RASSF4: variants seen among roughly 807,000 people sequenced by gnomAD.
RASSF4 encodes the protein Ras association domain family member 4.
RASSF4 carries 38 observed loss-of-function variants against 41.1 expected under a neutral mutation model. The observed-to-expected ratio is 0.92, with a 90% CI of 0.71 to 1.21. The LOEUF is 1.21. Among genes scored for constraint, RASSF4 ranks in the 50% most tolerant of loss-of-function variants. The pLI, the probability that RASSF4 is intolerant of heterozygous loss-of-function variation, is 0.00. For missense variants in RASSF4, 414 were observed against 419.4 expected (o/e 0.99, Z 0.11); for synonymous variants, 179 against 163.4 (o/e 1.10, Z -0.73).
intron 3 of RASSF4, chr10:44,978,025 C>A (rs1484093087): frequency 6.2e-7 from 1 of 1,607,126 alleles, no homozygotes; most frequent in African/African-American, 1.3e-5. Context: ...GAAGCCGGGA[C>A]CTCATCACTC....
chr10:44,991,092 G>C (rs533789175), intron 9 of RASSF4, 23 bp downstream of exon 9: 55 of 1,605,998 alleles, frequency 3.4e-5, no homozygotes, highest in Non-Finnish European at 3.8e-5. Context: ...CAAGGCTGGG[G>C]AGGCCTGCTC....
At position 44,969,817 on chromosome 10, in the gene RASSF4, C is replaced by T. The variant is rs557939467; in HGVS notation, c.-38-348C>T. Among the ~76,000 whole-genome samples, 31 of 152,276 alleles carry T rather than the reference C, an allele frequency of 2.0e-4. No individual in the cohort carries two copies. The East Asian group carries it at 3.1e-3, about 15-fold the overall frequency. On this transcript the variant is annotated intron_variant, in intron 1 of 10. Coordinates refer to ENST00000340258, the MANE Select transcript of RASSF4 (RefSeq NM_032023.4). ...AGCTCTGGAGGATTGCAGGAGCAAC[C>T]GAGGCAGAAGCCAGTAGTCAGGCTG...
At position 44,982,598 on chromosome 10, in the gene RASSF4, G is replaced by A; in HGVS notation, c.216G>A (p.Gln72=). 2 of 1,613,056 alleles carry A rather than the reference G, an allele frequency of 1.2e-6. No homozygotes were observed. Among genetic ancestry groups the A allele is most frequent in the Non-Finnish European group, 1.7e-6 (2 of 1,179,414 alleles). The change falls in exon 4 of 11, where the codon CAG becomes CAA. Residue 72 remains glutamine (Q), a synonymous_variant. Transcript: ENST00000340258. The stretch of plus-strand genomic sequence containing the variant: ...GGCGGCCCATCCGGCTGCAGATGCA[G>A]GATGACCGGGAGCAGGTGCACCTCC... ...GLRRPIRLQM[Q]DDREQVHLPS...
At chr10:44,992,102 G>A in intron 10 of RASSF4, 100 bp downstream of exon 10, 1 of 724,818 alleles carries the variant, frequency 1.4e-6, no homozygotes, top group Non-Finnish European at 2.4e-6. Flanking sequence ...TCCTCCATGG[G>A]CACCAGTACC....
Position 44,982,583 on chromosome 10 carries a change from C to A in RASSF4, c.201C>A (p.Ile67=). Residue 67 remains isoleucine, a synonymous_variant, in exon 4 of 11, where the codon ATC becomes ATA. Coordinates refer to ENST00000340258, the MANE Select transcript of RASSF4 (RefSeq NM_032023.4). ...TTGCCTGGGGGCTGAGGCGGCCCAT[C>A]CGGCTGCAGATGCAGGATGACCGGG... ...LNIAWGLRRP[I]RLQMQDDREQ... 1 of 1,612,812 alleles carries A rather than the reference C, an allele frequency of 6.2e-7. No individual in the cohort carries two copies.
At chr10:44,977,675 TG>T (rs1429123502) in intron 3 of RASSF4, 1 of 1,612,886 alleles carries the variant, frequency 6.2e-7, no homozygotes. Context: ...CAGGTCCCTC[TG>T]GCTTGGCTGC....
intron 1 of RASSF4, among the ~76,000 whole-genome samples, chr10:44,962,248 C>T (rs1840736480): frequency 6.6e-6 from 1 of 152,250 alleles, no homozygotes; most frequent in South Asian, 2.1e-4. Flanking sequence ...TCTGCCTCCT[C>T]TTTCTTGCTG....
intron 3 of RASSF4, among the ~76,000 whole-genome samples, chr10:44,972,093 A>G (rs1185478247): frequency 6.6e-6 from 1 of 152,150 alleles, no homozygotes; most frequent in Non-Finnish European, 1.5e-5. Flanking sequence ...TCCCAGTGGC[A>G]GAAATCACCT....
At chr10:44,964,987 C>T (rs1019258965) in intron 1 of RASSF4, among the ~76,000 whole-genome samples, 2 of 152,244 alleles carry the variant, frequency 1.3e-5, no homozygotes, top group East Asian at 1.9e-4. Flanking sequence ...GGTCTTCTTG[C>T]GGTGTTGGCT....
Position 44,978,134 on chromosome 10 carries a change from G to A in RASSF4, c.139-4387G>A, listed in dbSNP as rs1202117105. 3.4e-5 allele frequency: 47 copies of A among 1,368,916 alleles called. No homozygotes were observed. The East Asian group carries it at 9.4e-4, about 27-fold the overall frequency. The allele number at this position is 1,368,916 out of a possible 1,614,324, so 84.8% of individuals were successfully genotyped here. On this transcript the variant is annotated intron_variant, in intron 3 of 10. Coordinates refer to ENST00000340258, the MANE Select transcript of RASSF4 (RefSeq NM_032023.4). ...CTCAGCGTCACCACACTCCTCTGGG[G>A]CTGCCTGTAGGAATCCGGTGCCCTG...
rs763182390 is a variant in RASSF4 at position 44,993,342 on chromosome 10, T to C, written c.*13T>C. 8 of 1,597,514 alleles carry C rather than the reference T, an allele frequency of 5.0e-6. No homozygotes were observed. The highest frequency in any genetic ancestry group is 6.8e-6 in the Non-Finnish European group (8 of 1,176,242). ...GGAGGCCAAGTAACTGGCCAACACC[T>C]GCCTCTTCCAAAGTCCCCAGCAGTG... On this transcript the variant is annotated 3_prime_UTR_variant, in exon 11 of 11. Transcript: ENST00000340258.
intron 2 of RASSF4, chr10:44,971,263 G>T: frequency 2.8e-6 from 1 of 352,068 alleles, no homozygotes. Flanking sequence ...CAGACTTCAG[G>T]GCCTTACTCA....
chr10:44,972,501 T>C (rs1184739328), intron 3 of RASSF4, among the ~76,000 whole-genome samples: 1 of 152,240 alleles, frequency 6.6e-6, no homozygotes, highest in African/African-American at 2.4e-5. Context: ...CATGAGGAAT[T>C]TCCCAAATCT....
chr10:44,983,096 T>C, intron 4 of RASSF4: 1 of 404,306 alleles, frequency 2.5e-6, no homozygotes, highest in East Asian at 7.2e-5. Context: ...ATTACATTTG[T>C]TTAATATCAG....
intron 7 of RASSF4, 90 bp from the exon 8 acceptor site, chr10:44,989,580 T>C: frequency 1.7e-6 from 2 of 1,197,092 alleles, no homozygotes; most frequent in South Asian, 2.4e-5. Flanking sequence ...GCGTGTGTGT[T>C]ACTGGGGGTG....
At chr10:44,963,236 T>G (rs558200597) in intron 1 of RASSF4, among the ~76,000 whole-genome samples, 1 of 151,808 alleles carries the variant, frequency 6.6e-6, no homozygotes, top group East Asian at 1.9e-4. Flanking sequence ...AGGGGTCTGG[T>G]GATTGGAACT....
intron 1 of RASSF4, among the ~76,000 whole-genome samples, chr10:44,963,561 G>C (rs890038428): frequency 1.3e-5 from 2 of 152,180 alleles, no homozygotes; most frequent in Non-Finnish European, 2.9e-5. Flanking sequence ...CAGGAATGCC[G>C]TCAGCGTGGC....
chr10:44,967,689 T>C (rs1267815879), intron 1 of RASSF4, among the ~76,000 whole-genome samples: 2 of 152,226 alleles, frequency 1.3e-5, no homozygotes. Flanking sequence ...TATTCAGCAA[T>C]TTAACAACCA....
At position 44,995,061 on chromosome 10, in the gene RASSF4, G is replaced by A. The variant is rs1160134034; in HGVS notation, c.*1732G>A. The A allele has an allele frequency of 6.6e-6, 1 of 152,236 alleles. No individual in the cohort carries two copies. The highest frequency in any genetic ancestry group is 2.4e-5 in the African/African-American group (1 of 41,418). The allele number at this position is 152,236 out of a possible 1,614,324, so 9.4% of individuals were successfully genotyped here. ...AGGGGCTCAGGTGGGATGGAAGCAG[G>A]GCCTAGGAGAGGGTACAAAACAAAT... On this transcript the variant is annotated 3_prime_UTR_variant, in exon 11 of 11. Transcript: ENST00000340258.
Sources: gnomAD v4.1 joint callset for allele counts (sites outside exome capture counted in the v4.1 genomes callset) on GRCh38, gnomAD v4.1.1 for gene constraint, MANE v1.5 for transcripts, NCBI Gene and HGNC (gene_info 2026-07-23, HGNC 2026-07-21) for gene names.